LRTM3: variants seen among roughly 807,000 people sequenced by gnomAD.
LRTM3 encodes the protein leucine-rich repeat transmembrane protein 3.
At chr13:102,746,148 G>C in the LRTM3 span, 1 of 1,551,090 alleles carries the variant, frequency 6.4e-7, no homozygotes, top group African/African-American at 1.4e-5. Flanking sequence ...AAACCTGTTT[G>C]GTGCTGCAAA....
chr13:102,748,039 C>T, the LRTM3 span: 1 of 1,551,052 alleles, frequency 6.4e-7, no homozygotes. Context: ...GTGTTTCCTT[C>T]TCATCTGGTA....
At chr13:102,749,864 T>C in the LRTM3 span, 1 of 1,551,460 alleles carries the variant, frequency 6.4e-7, no homozygotes, top group Non-Finnish European at 8.7e-7. Flanking sequence ...ATTCAAGGAC[T>C]CTTGAGATCT....
At chr13:102,750,236 T>C in the LRTM3 span, 1 of 1,551,438 alleles carries the variant, frequency 6.4e-7, no homozygotes, top group Non-Finnish European at 8.7e-7. Context: ...AGATGGCACA[T>C]GACTTTCACT....
At chr13:102,730,633 T>G in the LRTM3 span, 1 of 1,551,942 alleles carries the variant, frequency 6.4e-7, no homozygotes, top group Admixed American at 2.0e-5. Flanking sequence ...TTCTGATGAG[T>G]GATGAGTTTT....
At chr13:102,734,720 A>T in the LRTM3 span, 1 of 1,551,188 alleles carries the variant, frequency 6.4e-7, no homozygotes, top group Non-Finnish European at 8.7e-7. Flanking sequence ...AAGTCTTAGC[A>T]TTTCATTACC....
the LRTM3 span, chr13:102,742,329 C>A: frequency 6.5e-7 from 1 of 1,549,092 alleles, no homozygotes; most frequent in Non-Finnish European, 8.7e-7. Flanking sequence ...GCTGTCTTTG[C>A]CTTATCTTTA....
the LRTM3 span, chr13:102,745,055 T>C: frequency 6.4e-7 from 1 of 1,550,910 alleles, no homozygotes; most frequent in South Asian, 1.2e-5. Flanking sequence ...GAGGCATTTC[T>C]TTGTCTCCTC....
At chr13:102,737,856 T>C in the LRTM3 span, 1 of 1,550,630 alleles carries the variant, frequency 6.4e-7, no homozygotes, top group Non-Finnish European at 8.7e-7. Context: ...GTGTCCAATA[T>C]ATAATGGGTT....
At chr13:102,735,255 C>T in the LRTM3 span, 1 of 1,551,354 alleles carries the variant, frequency 6.4e-7, no homozygotes, top group African/African-American at 1.4e-5. Context: ...ATATCCGCAA[C>T]TTTTTCTCTA....
At chr13:102,733,754 T>C in the LRTM3 span, 2 of 1,551,330 alleles carry the variant, frequency 1.3e-6, no homozygotes, top group Non-Finnish European at 1.7e-6. Context: ...CTGATTCAAA[T>C]CTTCTTCTGA....
chr13:102,741,311 A>G, the LRTM3 span: 1 of 1,549,958 alleles, frequency 6.5e-7, no homozygotes, highest in Non-Finnish European at 8.7e-7. Context: ...TGCCTGTTTT[A>G]AGTGAAGAGG....
At chr13:102,755,940 T>TAC in the LRTM3 span, among the ~76,000 whole-genome samples, 3 of 68,604 alleles carry the variant, frequency 4.4e-5, no homozygotes, top group Non-Finnish European at 9.1e-5. Flanking sequence ...TGTATATATA[T>TAC]ACATATATAT....
the LRTM3 span, chr13:102,740,898 G>A: frequency 3.2e-6 from 5 of 1,549,878 alleles, no homozygotes; most frequent in Non-Finnish European, 3.5e-6. Context: ...ACAGATGCTG[G>A]AAAAGCCTCG....
chr13:102,742,447 A>G, the LRTM3 span: 2 of 1,548,292 alleles, frequency 1.3e-6, no homozygotes, highest in Non-Finnish European at 1.7e-6. Context: ...ATGTCTTGGG[A>G]TCTGCCCTTG....
At chr13:102,738,975 T>C in the LRTM3 span, 4 of 1,550,334 alleles carry the variant, frequency 2.6e-6, no homozygotes, top group Non-Finnish European at 3.5e-6. Flanking sequence ...TTTTCAATAC[T>C]GCTTAAACTA....
At chr13:102,731,100 G>C in the LRTM3 span, 4 of 1,551,288 alleles carry the variant, frequency 2.6e-6, no homozygotes, top group Non-Finnish European at 3.5e-6. Context: ...TGAGGCAATA[G>C]CATCTCACTA....
the LRTM3 span, chr13:102,736,792 C>T: frequency 6.4e-7 from 1 of 1,550,970 alleles, no homozygotes; most frequent in Non-Finnish European, 8.7e-7. Flanking sequence ...TTGCTTTATC[C>T]TTTTGGATCT....
At chr13:102,730,658 T>C in the LRTM3 span, 2 of 1,552,022 alleles carry the variant, frequency 1.3e-6, no homozygotes, top group Non-Finnish European at 1.7e-6. Flanking sequence ...GGGACTTTGC[T>C]TTTTGAAAGA....
the LRTM3 span, chr13:102,730,506 GT>G: frequency 6.4e-7 from 1 of 1,551,498 alleles, no homozygotes; most frequent in Non-Finnish European, 8.7e-7. Context: ...ACATGATATT[GT>G]TTGTTTTTTT....
Sources: gnomAD v4.1 joint callset for allele counts (sites outside exome capture counted in the v4.1 genomes callset) on GRCh38, gnomAD v4.1.1 for gene constraint, MANE v1.5 for transcripts, NCBI Gene and HGNC (gene_info 2026-07-23, HGNC 2026-07-21) for gene names.